The following SLC6A15 variants were observed in gnomAD, a reference collection of about 807,000 sequenced individuals.
The protein encoded by SLC6A15 is sodium-dependent neutral amino acid transporter B(0)AT2.
A neutral mutation model predicts 68.5 loss-of-function variants in SLC6A15; 33 were observed. The ratio of observed to expected loss-of-function variants is 0.48; its 90% CI spans 0.37 to 0.64. SLC6A15 has a LOEUF of 0.64. Ranked by LOEUF, SLC6A15 falls within the 30% of genes least tolerant of loss-of-function variation. SLC6A15 has a pLI of 0.00. For synonymous variants in SLC6A15, 347 were observed against 301.0 expected (o/e 1.15, Z -1.58); for missense variants, 747 against 874.3 (o/e 0.85, Z 1.84).
chr12:84,883,760 A>G, intron 5 of SLC6A15, 99 bp downstream of exon 5: 1 of 1,613,494 alleles, frequency 6.2e-7, no homozygotes, highest in African/African-American at 1.3e-5. Context: ...ATGAAGTGTT[A>G]TGTGTGATTT....
Position 84,885,993 on chromosome 12 carries a change from C to T in SLC6A15, c.365G>A (p.Gly122Asp). Residue 122 changes from glycine (G) to aspartate (D), a missense_variant, in exon 3 of 12, where the codon GGT (glycine) becomes GAT (aspartate). By Grantham distance (94) the Gly-to-Asp change is moderately conservative (BLOSUM62 -1). Transcript: ENST00000266682. ...IPLFFLELSV[G>D]QRIRRGSIGV... is the part of the protein sequence containing the mutation. ...AATGCTGCCTCGCCGAATTCTTTGA[C>T]CCACAGAGAGTTCCAAGAAAAAAAG... The T allele has an allele frequency of 6.2e-7, 1 of 1,612,764 alleles. No homozygotes were observed. Among genetic ancestry groups the T allele is most frequent in the Non-Finnish European group, 8.5e-7 (1 of 1,179,190 alleles).
intron 1 of SLC6A15, among the ~76,000 whole-genome samples, chr12:84,896,763 C>T (rs1030173106): frequency 6.6e-5 from 10 of 152,122 alleles, no homozygotes; most frequent in African/African-American, 2.4e-4. Context: ...AAACAATGTG[C>T]TTCAGAGTTA....
At chr12:84,909,565 A>G (rs1432248598) in intron 1 of SLC6A15, among the ~76,000 whole-genome samples, 1 of 152,200 alleles carries the variant, frequency 6.6e-6, no homozygotes, top group Non-Finnish European at 1.5e-5. Flanking sequence ...GTAACCTTGA[A>G]TGTTGTTCAT....
At chr12:84,873,589 T>C (rs889962216) in intron 6 of SLC6A15, among the ~76,000 whole-genome samples, 3 of 152,182 alleles carry the variant, frequency 2.0e-5, no homozygotes, top group African/African-American at 7.2e-5. Context: ...TTTAAATATT[T>C]TAAGAATATC....
chr12:84,874,007 T>C (rs1033589567), intron 6 of SLC6A15, among the ~76,000 whole-genome samples: 2 of 152,222 alleles, frequency 1.3e-5, no homozygotes, highest in African/African-American at 2.4e-5. Flanking sequence ...TATCACTGTA[T>C]ATAATCAAAA....
intron 9 of SLC6A15, among the ~76,000 whole-genome samples, chr12:84,869,464 CAAAAA>C (rs34160834): frequency 1.6e-5 from 1 of 63,204 alleles, no homozygotes; most frequent in African/African-American, 6.0e-5. Context: ...GACTCCGTCT[CAAAAA>C]AAAAAAAAAA....
At chr12:84,882,281 T>G (rs1335497337) in intron 5 of SLC6A15, 3 of 985,200 alleles carry the variant, frequency 3.0e-6, no homozygotes, top group Non-Finnish European at 3.6e-6. Context: ...ACTCCTTCAT[T>G]TATAATGTGA....
chr12:84,912,188 G>A (rs563235298), intron 1 of SLC6A15, among the ~76,000 whole-genome samples: 1 of 152,064 alleles, frequency 6.6e-6, no homozygotes, highest in African/African-American at 2.4e-5. Context: ...GCTTGGAAAC[G>A]AGTAGGTCTC....
At chr12:84,863,321 A>T in intron 11 of SLC6A15, 118 bp downstream of exon 11, 1 of 686,376 alleles carries the variant, frequency 1.5e-6, no homozygotes, top group Non-Finnish European at 2.4e-6. Context: ...ATCCTTGCAT[A>T]AAAGCTATGC....
intron 2 of SLC6A15, among the ~76,000 whole-genome samples, chr12:84,889,874 C>T (rs1433125561): frequency 6.6e-6 from 1 of 152,164 alleles, no homozygotes; most frequent in East Asian, 1.9e-4. Flanking sequence ...CTATACTATA[C>T]CACCTACTTC....
chr12:84,863,539 C>T lies in SLC6A15; in HGVS notation c.1718G>A (p.Trp573Ter). ...TAGCATTAGAGGAGAAATATATTTC[C>T]ACATATAGTAGTAATATCTGCTGGG... ...FAPSRYYYYM[W>*]KYISPLMLLS... Residue 573 changes from tryptophan to a stop codon, truncating the protein, a stop_gained, in exon 11 of 12, where the codon TGG becomes TAG. Transcript: ENST00000266682. LOFTEE classifies it high-confidence loss of function. The T allele has an allele frequency of 6.3e-7, 1 of 1,593,604 alleles. No individual in the cohort carries two copies. Among genetic ancestry groups the T allele is most frequent in the Non-Finnish European group, 8.5e-7 (1 of 1,172,190 alleles).
At chr12:84,895,610 G>A (rs1369626872) in intron 1 of SLC6A15, among the ~76,000 whole-genome samples, 1 of 151,984 alleles carries the variant, frequency 6.6e-6, no homozygotes, top group East Asian at 1.9e-4. Flanking sequence ...GCCTCCCAAA[G>A]TGCTAGGATT....
intron 1 of SLC6A15, among the ~76,000 whole-genome samples, chr12:84,906,005 C>G (rs1350289580): frequency 6.6e-6 from 1 of 152,126 alleles, no homozygotes; most frequent in African/African-American, 2.4e-5. Context: ...TGTAATAATA[C>G]AGTATTCAAT....
intron 10 of SLC6A15, among the ~76,000 whole-genome samples, chr12:84,863,941 AT>A (rs1363899998): frequency 6.6e-6 from 1 of 151,384 alleles, no homozygotes; most frequent in Non-Finnish European, 1.5e-5. Context: ...TTTAGAAATT[AT>A]TTCTTTTAGT....
At chr12:84,868,899 A>G (rs1450533706) in intron 9 of SLC6A15, among the ~76,000 whole-genome samples, 1 of 152,168 alleles carries the variant, frequency 6.6e-6, no homozygotes, top group Admixed American at 6.5e-5. Flanking sequence ...TACAAAAATG[A>G]CTTTAGCCTG....
At chr12:84,899,452 G>A (rs147331101) in intron 1 of SLC6A15, among the ~76,000 whole-genome samples, 127 of 152,258 alleles carry the variant, frequency 8.3e-4, no homozygotes, top group Non-Finnish European at 1.4e-3. Flanking sequence ...TCCATCAAAG[G>A]CATTATGCCC....
intron 4 of SLC6A15, among the ~76,000 whole-genome samples, chr12:84,884,782 C>A (rs1357554627): frequency 6.6e-6 from 1 of 151,882 alleles, no homozygotes; most frequent in Non-Finnish European, 1.5e-5. Flanking sequence ...AACTAGATTT[C>A]AGATTCAGTA....
Position 84,860,515 on chromosome 12 carries a change from T to C in SLC6A15, c.*1117A>G, listed in dbSNP as rs1870802438. On this transcript the variant is annotated 3_prime_UTR_variant, in exon 12 of 12. Coordinates refer to ENST00000266682, the MANE Select transcript of SLC6A15 (RefSeq NM_182767.6). ...TTTTCCTTAGACTCTGAAGCGGTGG[T>C]AACTCTATTCAATTAATGTAATTCA... 6.6e-6 allele frequency: 1 copy of C among 152,106 alleles called. No homozygotes were observed. The highest frequency in any genetic ancestry group is 2.1e-4 in the South Asian group (1 of 4,830). The allele number at this position is 152,106 out of a possible 1,614,324, so 9.4% of individuals were successfully genotyped here.
At chr12:84,880,092 T>A (rs1033942825) in intron 5 of SLC6A15, among the ~76,000 whole-genome samples, 1 of 152,190 alleles carries the variant, frequency 6.6e-6, no homozygotes, top group Non-Finnish European at 1.5e-5. Context: ...AGTTTCCTAA[T>A]AAGTTACAAG....
Sources: allele counts gnomAD v4.1 joint callset (sites outside exome capture counted in the v4.1 genomes callset), GRCh38; gene constraint gnomAD v4.1.1; transcripts MANE v1.5; gene names NCBI Gene and HGNC (gene_info 2026-07-23, HGNC 2026-07-21).